The following LRRK2 variants were observed in gnomAD, a reference collection of about 807,000 sequenced individuals.
LRRK2 encodes leucine rich repeat kinase 2.
A neutral mutation model predicts 302.6 loss-of-function variants in LRRK2; 203 were observed. The ratio of observed to expected loss-of-function variants is 0.67; its 90% CI spans 0.60 to 0.75. The LOEUF is 0.75. Among genes scored for constraint, LRRK2 ranks in the 30% least tolerant of loss-of-function variants. LRRK2 has a pLI of 0.00. For synonymous variants in LRRK2, 1,066 were observed against 1,031.9 expected (o/e 1.03, Z -0.63); for missense variants, 2,830 against 2,951.0 (o/e 0.96, Z 0.95).
chr12:40,358,595 C>G (rs1253762498), intron 46 of LRRK2, among the ~76,000 whole-genome samples: 1 of 152,066 alleles, frequency 6.6e-6, no homozygotes, highest in Non-Finnish European at 1.5e-5. Context: ...TGTGTTTTTG[C>G]CAATACTGTG....
chr12:40,232,507 T>A (rs1391423637), intron 3 of LRRK2, 124 bp downstream of exon 3: 1 of 745,492 alleles, frequency 1.3e-6, no homozygotes, highest in Admixed American at 2.2e-5. Context: ...AAAATACAGA[T>A]ATTTTTCCTT....
intron 31 of LRRK2, among the ~76,000 whole-genome samples, chr12:40,311,323 T>C (rs997808896): frequency 6.8e-6 from 1 of 147,906 alleles, no homozygotes; most frequent in East Asian, 2.0e-4. Flanking sequence ...AAAATGTAAA[T>C]AAATCAGTTA....
At chr12:40,247,078 TC>T (rs1305472339) in intron 7 of LRRK2, among the ~76,000 whole-genome samples, 1 of 152,144 alleles carries the variant, frequency 6.6e-6, no homozygotes, top group African/African-American at 2.4e-5. Context: ...ATTTAGTTTT[TC>T]ATTGTTACAA....
At chr12:40,302,925 A>G in intron 26 of LRRK2, 43 bp downstream of exon 26, 1 of 1,264,778 alleles carries the variant, frequency 7.9e-7, no homozygotes, top group African/African-American at 1.5e-5. Context: ...CATTAGCTGG[A>G]ACAGAACCTT....
Position 40,274,971 on chromosome 12 carries a change from A to T in LRRK2, c.1919A>T (p.Asp640Val). ...GTTTCCAGCTTATACCGATTTAAGG[A>T]TGTTGCTGAAATACAGACTAAAGTA... ...ILVSSLYRFK[D>V]VAEIQTKGFQ... is the part of the protein sequence containing the mutation. Residue 640 changes from aspartate (D) to valine (V), a missense_variant, in exon 16 of 51, where the codon GAT becomes GTT. Asp to Val is a radical substitution (Grantham distance 152). This residue lies in a region of LRRK2 where 2,121 missense variants were observed against 2,148.0 expected (regional missense o/e 0.99). Coordinates refer to ENST00000298910, the MANE Select transcript of LRRK2 (RefSeq NM_198578.4). 6.2e-7 allele frequency: 1 copy of T among 1,613,940 alleles called. No homozygotes were observed. Among genetic ancestry groups the T allele is most frequent in the Non-Finnish European group, 8.5e-7 (1 of 1,179,914 alleles).
At chr12:40,258,417 G>T (rs189356715) in intron 12 of LRRK2, among the ~76,000 whole-genome samples, 4 of 152,212 alleles carry the variant, frequency 2.6e-5, no homozygotes, top group Admixed American at 2.6e-4. Flanking sequence ...CTTAAATGTT[G>T]ATTTTAATGG....
chr12:40,279,975 A>G (rs1943617857), intron 18 of LRRK2, among the ~76,000 whole-genome samples: 1 of 152,226 alleles, frequency 6.6e-6, no homozygotes, highest in East Asian at 1.9e-4. Flanking sequence ...TACATATTGA[A>G]GGACTATCTA....
rs538494701 is a variant in LRRK2 at position 40,225,037 on chromosome 12, C to G, written c.-95C>G. ...CGCTGGCTGCGGGCGGTGAGCTGAG[C>G]TCGCCCCCGGGGAGCTGTGGCCGGC... On this transcript the variant is annotated 5_prime_UTR_variant, in exon 1 of 51. Coordinates refer to ENST00000298910, the MANE Select transcript of LRRK2 (RefSeq NM_198578.4). 1 of 1,530,890 alleles carries G rather than the reference C, an allele frequency of 6.5e-7. No homozygotes were observed. Among genetic ancestry groups the G allele is most frequent in the African/African-American group, 1.4e-5 (1 of 73,052 alleles). The allele number at this position is 1,530,890 out of a possible 1,614,324, so 94.8% of individuals were successfully genotyped here.
chr12:40,291,576 C>T (rs1235153089), intron 20 of LRRK2, among the ~76,000 whole-genome samples: 1 of 151,572 alleles, frequency 6.6e-6, no homozygotes, highest in Non-Finnish European at 1.5e-5. Flanking sequence ...CTTTTTTGTG[C>T]TCAGATAACC....
At position 40,298,462 on chromosome 12, in the gene LRRK2, G is replaced by A; in HGVS notation, c.3316G>A (p.Val1106Ile). The A allele has an allele frequency of 6.2e-7, 1 of 1,613,888 alleles. No homozygotes were observed. The highest frequency in any genetic ancestry group is 8.5e-7 in the Non-Finnish European group (1 of 1,179,948). ...SFVPENLTDV[V>I]EKLEQLILEG... ...TGTACCTGAGAACCTCACTGATGTG[G>A]TAGAGAAACTGGAGCAGCTCATTTT... Residue 1106 changes from valine to isoleucine, a missense_variant, in exon 24 of 51, where the codon GTA (valine) becomes ATA (isoleucine). Transcript: ENST00000298910.
Position 40,251,368 on chromosome 12 carries a change from C to A in LRRK2, c.1095C>A (p.His365Gln), listed in dbSNP as rs144975499. ...TAACGTGGCATAGAAAGAACAAGCA[C>A]GTGCAGGTAGGACTCTCATAAATAT... is the stretch of plus-strand genomic sequence containing the variant. The part of the protein sequence containing the change: ...KALTWHRKNK[H>Q]VQEAACWALN... Residue 365 changes from histidine to glutamine, a missense_variant, in exon 9 of 51, where the codon CAC becomes CAA. Physicochemically the swap from His to Gln is conservative, Grantham distance 24. Transcript: ENST00000298910. The A allele has an allele frequency of 1.7e-5, 27 of 1,613,652 alleles. No homozygotes were observed. Among genetic ancestry groups the A allele is most frequent in the Non-Finnish European group, 2.3e-5 (27 of 1,179,808 alleles).
At chr12:40,359,152 T>A in intron 46 of LRRK2, 108 bp from the exon 47 acceptor site, 1 of 923,216 alleles carries the variant, frequency 1.1e-6, no homozygotes, top group South Asian at 1.6e-5. Context: ...TTTTAATATC[T>A]CTAATCATTT....
rs759359344 is a variant in LRRK2, at chr12:40,251,486, A to G, written c.1123A>G (p.Asn375Asp). The change falls in exon 10 of 51, where the codon AAT (asparagine) becomes GAT (aspartate). Residue 375 changes from asparagine (N) to aspartate (D), a missense_variant. Coordinates refer to ENST00000298910, the MANE Select transcript of LRRK2 (RefSeq NM_198578.4). Reference sequence around the variant, plus strand: ...CCAGGAGGCCGCATGCTGGGCACTAAATAATCTCCTTATGTACCAAAACAG... The same window carrying G: ...CCAGGAGGCCGCATGCTGGGCACTAGATAATCTCCTTATGTACCAAAACAG... The part of the protein sequence containing the change: ...HVQEAACWAL[N>D]NLLMYQNSLH... 2.5e-6 allele frequency: 4 copies of G among 1,612,230 alleles called. No homozygotes were observed. In the African/African-American group the frequency reaches 5.3e-5, roughly 22 times the overall value.
Position 40,305,975 on chromosome 12 carries a change from AT to A in LRRK2, c.3959+16del. On this transcript the variant is annotated intron_variant, in intron 28 of 50. Coordinates refer to ENST00000298910, the MANE Select transcript of LRRK2 (RefSeq NM_198578.4). ...GCCAAAGACATCATAAGGTTAGATA[AT>A]TTTTTTCTATTTGGTTTTACTAAAT... The A allele has an allele frequency of 1.3e-6, 2 of 1,591,082 alleles. No individual in the cohort carries two copies. Among genetic ancestry groups the A allele is most frequent in the Non-Finnish European group, 1.7e-6 (2 of 1,163,394 alleles).
intron 43 of LRRK2, 71 bp from the exon 44 acceptor site, chr12:40,351,468 C>A: frequency 1.4e-6 from 2 of 1,460,652 alleles, no homozygotes; most frequent in Non-Finnish European, 1.9e-6. Flanking sequence ...ACACTTCAGT[C>A]TATATTTGAT....
chr12:40,278,081 C>T lies in LRRK2; in HGVS notation c.2071-10C>T. On this transcript the variant is annotated splice_polypyrimidine_tract_variant and intron_variant, in intron 17 of 50. Coordinates refer to ENST00000298910, the MANE Select transcript of LRRK2 (RefSeq NM_198578.4). Reference sequence around the variant, plus strand: ...TATCTGACTCTAATTCTCATTTCCACTCTTTTTAGTTTCTAAACCTCTGTT... The same window carrying T: ...TATCTGACTCTAATTCTCATTTCCATTCTTTTTAGTTTCTAAACCTCTGTT... 6.2e-7 allele frequency: 1 copy of T among 1,613,972 alleles called. No individual in the cohort carries two copies. Among genetic ancestry groups the T allele is most frequent in the African/African-American group, 1.3e-5 (1 of 75,038 alleles).
At chr12:40,259,127 A>G (rs1007928176) in intron 12 of LRRK2, among the ~76,000 whole-genome samples, 1 of 152,178 alleles carries the variant, frequency 6.6e-6, no homozygotes, top group Non-Finnish European at 1.5e-5. Context: ...GTCACTTTCT[A>G]GTGATAAGAC....
chr12:40,227,946 T>A (rs1443311685), intron 2 of LRRK2: 1 of 152,186 alleles, frequency 6.6e-6, no homozygotes, highest in Non-Finnish European at 1.5e-5. Flanking sequence ...CCTCAAGTAA[T>A]CCTCCTGCCT....
At chr12:40,358,317 C>T (rs1946605564) in intron 46 of LRRK2, among the ~76,000 whole-genome samples, 1 of 152,066 alleles carries the variant, frequency 6.6e-6, no homozygotes, top group Non-Finnish European at 1.5e-5. Context: ...GACCAATGTT[C>T]TGAAATGTTT....
Sources: allele counts gnomAD v4.1 joint callset (sites outside exome capture counted in the v4.1 genomes callset), GRCh38; gene constraint gnomAD v4.1.1; regional missense constraint gnomAD v4.1.1; transcripts MANE v1.5; gene names NCBI Gene and HGNC (gene_info 2026-07-23, HGNC 2026-07-21).